Variants in DMTF1 observed in about 807,000 individuals in gnomAD.
DMTF1 encodes cyclin D binding myb like transcription factor 1.
A neutral mutation model predicts 91.1 loss-of-function variants in DMTF1; 39 were observed. The ratio of observed to expected loss-of-function variants is 0.43; its 90% CI spans 0.33 to 0.56. The LOEUF is 0.56. Among genes scored for constraint, DMTF1 ranks in the 20% least tolerant of loss-of-function variants. The pLI, the probability that DMTF1 is intolerant of heterozygous loss-of-function variation, is 0.05. For missense variants in DMTF1, 750 were observed against 914.5 expected, an observed-to-expected ratio of 0.82 and a Z score of 2.32; for synonymous variants, 338 against 309.5, an observed-to-expected ratio of 1.09 and a Z score of -0.97.
intron 16 of DMTF1, 24 bp from the exon 17 acceptor site, chr7:87,194,660 T>C: frequency 5.9e-6 from 9 of 1,538,216 alleles, no homozygotes; most frequent in Non-Finnish European, 8.1e-6. Flanking sequence ...TATGAGTCAA[T>C]ATTTTTTTTT....
chr7:87,166,433 A>C (rs780324777), intron 3 of DMTF1, 50 bp from the exon 4 acceptor site: 1 of 1,569,596 alleles, frequency 6.4e-7, no homozygotes, highest in East Asian at 2.2e-5. Flanking sequence ...TAGAGATTTT[A>C]TTTTCCCTCT....
At chr7:87,194,235 A>G (rs2129203596) in intron 16 of DMTF1, 133 bp downstream of exon 16, 1 of 1,005,764 alleles carries the variant, frequency 9.9e-7, no homozygotes, top group South Asian at 1.8e-5. Context: ...AAGTGTTGTC[A>G]CTGGCAGAAA....
rs1798037090 is a variant in DMTF1 at position 87,184,732 on chromosome 7, C to G, written c.1049+107C>G. ...TGGATGCCTAGTGTCTGAAAAGTAT[C>G]CTTTCCATAGAGCACTACTGTTTAA... On this transcript the variant is annotated intron_variant, in intron 11 of 17. Transcript: ENST00000331242. 5 of 919,992 alleles carry G rather than the reference C, an allele frequency of 5.4e-6. No individual in the cohort carries two copies. In the Admixed American group the frequency reaches 6.0e-5, roughly 11 times the overall value. 57.0% of individuals were successfully genotyped at this position (919,992 alleles called of 1,614,324 possible).
intron 6 of DMTF1, among the ~76,000 whole-genome samples, chr7:87,174,348 A>AT (rs1481502737): frequency 9.3e-5 from 4 of 42,878 alleles, no homozygotes; most frequent in African/African-American, 1.5e-4. Flanking sequence ...AAGAGAGGTA[A>AT]TTTTTTTTAA....
At chr7:87,177,101 A>G (rs1796413758) in intron 7 of DMTF1, among the ~76,000 whole-genome samples, 1 of 152,174 alleles carries the variant, frequency 6.6e-6, no homozygotes. Context: ...TTTGCTGTGA[A>G]GTTTCATACA....
At chr7:87,163,222 T>G (rs1792958574) in intron 1 of DMTF1, 1 of 151,588 alleles carries the variant, frequency 6.6e-6, no homozygotes, top group Non-Finnish European at 1.5e-5. Flanking sequence ...TGAGCCTGTT[T>G]TTTTTTTTTT....
intron 1 of DMTF1, among the ~76,000 whole-genome samples, chr7:87,159,054 T>G (rs528568654): frequency 6.6e-6 from 1 of 152,212 alleles, no homozygotes; most frequent in East Asian, 1.9e-4. Context: ...AAATAAAAAT[T>G]TACAGATGGT....
intron 13 of DMTF1, among the ~76,000 whole-genome samples, chr7:87,190,444 C>T (rs572556223): frequency 1.3e-5 from 2 of 152,178 alleles, no homozygotes; most frequent in South Asian, 4.1e-4. Flanking sequence ...TACAAGAAAA[C>T]TAGTTTTTAC....
chr7:87,185,551 C>G (rs1009857043), intron 11 of DMTF1, among the ~76,000 whole-genome samples: 14 of 152,142 alleles, frequency 9.2e-5, no homozygotes, highest in African/African-American at 3.4e-4. Context: ...TAGCATACTC[C>G]TTTTCCTTCA....
rs777523587 is a variant in DMTF1 at position 87,188,136 on chromosome 7, A to C, written c.1246A>C (p.Asn416His). ...LKQLHENQKN[N>H]PTLLENKSGS... ...ACAGTTACATGAGAACCAAAAAAAC[A>C]ACCCAACGCTTTTGGAGAATAAATC... The change falls in exon 13 of 18, where the codon AAC (asparagine) becomes CAC (histidine). Residue 416 changes from asparagine to histidine, a missense_variant. Around this residue, in one of 3 missense-constraint regions of DMTF1, gnomAD observed 410 missense variants for 420.2 expected, o/e 0.98. Coordinates refer to ENST00000331242, the MANE Select transcript of DMTF1 (RefSeq NM_001142327.2). The C allele has an allele frequency of 4.4e-5, 71 of 1,613,874 alleles. No individual in the cohort carries two copies. The highest frequency in any genetic ancestry group is 5.4e-5 in the Non-Finnish European group (64 of 1,179,914).
In DMTF1 at chr7:87,193,921, TTCA is replaced by T; in HGVS notation, c.1851_1853del (p.His618del). 1 of 1,613,354 alleles carries T rather than the reference TTCA, an allele frequency of 6.2e-7. No homozygotes were observed. Among genetic ancestry groups the T allele is most frequent in the East Asian group, 2.2e-5 (1 of 44,856 alleles). ...GAAGCAGACACTTTCCCAGATGAAA[TTCA>T]TCACCCTAAGATGACTGTGGAGCCA... On this transcript the variant is annotated inframe_deletion, in exon 16 of 18. Coordinates refer to ENST00000331242, the MANE Select transcript of DMTF1 (RefSeq NM_001142327.2).
intron 1 of DMTF1, among the ~76,000 whole-genome samples, chr7:87,154,694 A>G (rs763982558): frequency 5.3e-5 from 8 of 152,210 alleles, no homozygotes; most frequent in East Asian, 1.9e-4. Context: ...TGAAAACAGC[A>G]TGGTTGGGAA....
rs374168063 is a variant in DMTF1, at chr7:87,166,523, A to G, written c.150A>G (p.Pro50=). Residue 50 remains proline (P), a synonymous_variant, in exon 4 of 18, where the codon CCA becomes CCG. Coordinates refer to ENST00000331242, the MANE Select transcript of DMTF1 (RefSeq NM_001142327.2). The part of the protein sequence containing the change: ...EIDSEDSIEP[P]HKRLCLSSED... ...ACTCAGAAGATAGTATTGAACCTCC[A>G]CATAAAAGGCTTTGTTTGTCCTCTG... 2 of 1,613,298 alleles carry G rather than the reference A, an allele frequency of 1.2e-6. No individual in the cohort carries two copies. The highest frequency in any genetic ancestry group is 1.7e-6 in the Non-Finnish European group (2 of 1,179,372).
chr7:87,173,549 G>T lies in DMTF1; in HGVS notation c.342G>T (p.Glu114Asp), dbSNP rs778369069. The T allele has an allele frequency of 1.2e-6, 2 of 1,602,762 alleles. No homozygotes were observed. Among genetic ancestry groups the T allele is most frequent in the Non-Finnish European group, 1.7e-6 (2 of 1,174,306 alleles). The part of the protein sequence containing the change: ...TVTQIQILQN[E>D]QLDEISPLGN... ...ACCTTTTCAAGATTTTGCAGAATGAGCAACTAGATGAAATATCTCCCTTGG... is the reference window on the plus strand; with the variant it reads ...ACCTTTTCAAGATTTTGCAGAATGATCAACTAGATGAAATATCTCCCTTGG... Residue 114 changes from glutamate to aspartate, a missense_variant, in exon 6 of 18, where the codon GAG (glutamate) becomes GAT (aspartate). By Grantham distance (45) the Glu-to-Asp change is conservative. Coordinates refer to ENST00000331242, the MANE Select transcript of DMTF1 (RefSeq NM_001142327.2).
In DMTF1 at chr7:87,153,211, G is replaced by A. The variant is rs183669986; in HGVS notation, c.-132+656G>A. 4.0e-3 allele frequency among the ~76,000 whole-genome samples: 604 copies of A among 152,164 alleles called. 3 individuals are homozygous for A. The highest frequency in any genetic ancestry group is 0.014 in the African/African-American group (577 of 41,478). ...ACATAGAGAATCGGGATAGCTGGCC[G>A]AACCGTCTCTCTCAGTCTGACTCTC... On this transcript the variant is annotated intron_variant, in intron 1 of 17. Transcript: ENST00000331242.
intron 1 of DMTF1, among the ~76,000 whole-genome samples, chr7:87,155,876 T>C (rs1221811923): frequency 6.6e-6 from 1 of 152,150 alleles, no homozygotes; most frequent in Non-Finnish European, 1.5e-5. Flanking sequence ...TATTTAAATG[T>C]CATTTTGATT....
chr7:87,165,834 T>G (rs1481292624), intron 3 of DMTF1, among the ~76,000 whole-genome samples: 1 of 152,244 alleles, frequency 6.6e-6, no homozygotes, highest in African/African-American at 2.4e-5. Flanking sequence ...TCATTTCATT[T>G]GAAGACTTCT....
chr7:87,173,322 T>G (rs1795533924), intron 5 of DMTF1, among the ~76,000 whole-genome samples: 1 of 151,990 alleles, frequency 6.6e-6, no homozygotes, highest in Non-Finnish European at 1.5e-5. Context: ...GCATATAATT[T>G]TGTTTTCATA....
chr7:87,179,837 T>C (rs1166933415), intron 8 of DMTF1, 135 bp downstream of exon 8: 1 of 789,322 alleles, frequency 1.3e-6, no homozygotes, highest in Non-Finnish European at 1.9e-6. Context: ...AGGTCCATGT[T>C]GTGAATATGG....
Sources: allele counts gnomAD v4.1 joint callset (sites outside exome capture counted in the v4.1 genomes callset), GRCh38; gene constraint gnomAD v4.1.1; regional missense constraint gnomAD v4.1.1; transcripts MANE v1.5; gene names NCBI Gene and HGNC (gene_info 2026-07-23, HGNC 2026-07-21).